Variants in CEMIP observed in about 807,000 individuals in gnomAD.
CEMIP encodes the protein cell migration-inducing and hyaluronan-binding protein.
In CEMIP, 105 loss-of-function variants were observed where a neutral mutation model predicts 156.9. The ratio of observed to expected loss-of-function variants is 0.67; its 90% CI spans 0.57 to 0.79. The LOEUF is 0.79. Ranked by LOEUF, CEMIP falls within the 30% of genes least tolerant of loss-of-function variation. The pLI is 0.00. For synonymous variants in CEMIP, 676 were observed against 668.4 expected (o/e 1.01, Z -0.17); for missense variants, 1,457 against 1,769.4 (o/e 0.82, Z 3.17).
chr15:80,830,001 T>TGC (rs199685035), intron 1 of CEMIP, among the ~76,000 whole-genome samples: 4,934 of 81,464 alleles, frequency 0.061, 124 homozygotes, highest in East Asian at 0.12. Context: ...TGTGTGTGTG[T>TGC]GCGCGCATGT....
intron 1 of CEMIP, among the ~76,000 whole-genome samples, chr15:80,848,504 TTTC>T (rs1417242405): frequency 3.3e-5 from 5 of 152,188 alleles, no homozygotes; most frequent in African/African-American, 1.2e-4. Flanking sequence ...TGTGGGGCCT[TTTC>T]TTCTTGAACT....
At chr15:80,900,252 A>G (rs980007806) in intron 12 of CEMIP, among the ~76,000 whole-genome samples, 1 of 152,064 alleles carries the variant, frequency 6.6e-6, no homozygotes. Context: ...CATGCAGGAG[A>G]GCTGCTCTTC....
Position 80,933,491 on chromosome 15 carries a change from CACTT to C in CEMIP, c.3009+33_3009+36del, listed in dbSNP as rs776017082. 82 of 1,545,472 alleles carry C rather than the reference CACTT, an allele frequency of 5.3e-5. No homozygotes were observed. The Admixed American group carries it at 1.4e-3, about 26-fold the overall frequency. Reference sequence around the variant, plus strand: ...GACACCATTCTGGGGGCCGGCCACTCACTTATTCACTCATGCAACAAGCATTCAG... The same window carrying C: ...GACACCATTCTGGGGGCCGGCCACTCATTCACTCATGCAACAAGCATTCAG... On this transcript the variant is annotated intron_variant, in intron 23 of 29. Coordinates refer to ENST00000394685, the MANE Select transcript of CEMIP (RefSeq NM_001293298.2).
intron 1 of CEMIP, among the ~76,000 whole-genome samples, chr15:80,869,764 A>T (rs28435335): frequency 0.024 from 3,640 of 152,218 alleles, 145 homozygotes; most frequent in African/African-American, 0.083. Flanking sequence ...GACATTTTTC[A>T]AGTTAGTATA....
intron 12 of CEMIP, among the ~76,000 whole-genome samples, chr15:80,905,944 G>T (rs904605311): frequency 6.6e-6 from 1 of 152,132 alleles, no homozygotes; most frequent in African/African-American, 2.4e-5. Flanking sequence ...TACCATGGAG[G>T]CATCCAGAGC....
chr15:80,782,664 T>C (rs1895828472), intron 1 of CEMIP, among the ~76,000 whole-genome samples: 1 of 152,256 alleles, frequency 6.6e-6, no homozygotes, highest in African/African-American at 2.4e-5. Context: ...TTTTACATTC[T>C]GGTGCTCTTA....
chr15:80,919,050 T>C (rs571627494), intron 14 of CEMIP, among the ~76,000 whole-genome samples: 38 of 152,270 alleles, frequency 2.5e-4, no homozygotes, highest in African/African-American at 9.1e-4. Context: ...CCCTGGTATC[T>C]CAATATCCAT....
chr15:80,925,658 C>T lies in CEMIP; in HGVS notation c.2323C>T (p.Pro775Ser). The T allele has an allele frequency of 1.9e-6, 3 of 1,613,554 alleles. No individual in the cohort carries two copies. The highest frequency in any genetic ancestry group is 2.5e-6 in the Non-Finnish European group (3 of 1,179,986). The change falls in exon 19 of 30, where the codon CCC (proline) becomes TCC (serine). Residue 775 changes from proline to serine, a missense_variant. By Grantham distance (74) the Pro-to-Ser change is moderately conservative. Around this residue, in one of 5 missense-constraint regions of CEMIP, gnomAD observed 798 missense variants for 980.1 expected, o/e 0.81. Coordinates refer to ENST00000394685, the MANE Select transcript of CEMIP (RefSeq NM_001293298.2). The stretch of plus-strand genomic sequence containing the variant: ...TCACCAGGACGCCGACCCGCTGAAG[C>T]CCCGGGAGCCGGCCATCATCAGACA... ...SPHQDADPLKPREPAIIRHFI... is the reference protein window; with the variant it reads ...SPHQDADPLKSREPAIIRHFI...
intron 14 of CEMIP, among the ~76,000 whole-genome samples, chr15:80,912,836 C>T (rs1378975829): frequency 4.6e-5 from 7 of 152,268 alleles, no homozygotes; most frequent in South Asian, 2.1e-4. Context: ...GATTTACTCA[C>T]GGCTGACTAT....
At chr15:80,862,084 G>A (rs550272581) in intron 1 of CEMIP, among the ~76,000 whole-genome samples, 302 of 152,358 alleles carry the variant, frequency 2.0e-3, no homozygotes, top group Admixed American at 7.2e-3. Context: ...CTGCCTGAAC[G>A]AGAGCCAGCT....
At chr15:80,942,621 G>A (rs1901386012) in intron 27 of CEMIP, among the ~76,000 whole-genome samples, 1 of 152,106 alleles carries the variant, frequency 6.6e-6, no homozygotes, top group Admixed American at 6.5e-5. Context: ...CCTTTCTTTT[G>A]CAAAGGCACC....
intron 1 of CEMIP, among the ~76,000 whole-genome samples, chr15:80,864,259 GT>G: frequency 6.6e-6 from 1 of 152,286 alleles, no homozygotes; most frequent in African/African-American, 2.4e-5. Context: ...TCATATTTGG[GT>G]TTTTTCCCCA....
chr15:80,852,954 A>AT (rs1408403879), intron 1 of CEMIP, among the ~76,000 whole-genome samples: 1 of 152,204 alleles, frequency 6.6e-6, no homozygotes, highest in Admixed American at 6.5e-5. Context: ...TACCATCATC[A>AT]TGAGTCCTTC....
intron 1 of CEMIP, among the ~76,000 whole-genome samples, chr15:80,825,211 C>T (rs1355187779): frequency 2.0e-5 from 3 of 152,042 alleles, no homozygotes; most frequent in Admixed American, 6.5e-5. Context: ...AACTGTGTAC[C>T]GGATGGGCAT....
intron 1 of CEMIP, among the ~76,000 whole-genome samples, chr15:80,794,649 T>C (rs1459476303): frequency 2.6e-5 from 4 of 152,248 alleles, no homozygotes; most frequent in Non-Finnish European, 5.9e-5. Flanking sequence ...CATTTTTTTA[T>C]ACTAAATCTT....
At chr15:80,900,993 A>G (rs1222630775) in intron 12 of CEMIP, 3 of 455,010 alleles carry the variant, frequency 6.6e-6, no homozygotes, top group Admixed American at 4.7e-5. Flanking sequence ...GGGGTAACAT[A>G]GTAATGAAAA....
chr15:80,841,535 T>C (rs2141708584), intron 1 of CEMIP, among the ~76,000 whole-genome samples: 1 of 152,340 alleles, frequency 6.6e-6, no homozygotes, highest in East Asian at 1.9e-4. Context: ...ACTTCTAGAA[T>C]TTGGACCTTG....
intron 1 of CEMIP, among the ~76,000 whole-genome samples, chr15:80,865,164 G>A (rs1898090160): frequency 6.6e-6 from 1 of 152,066 alleles, no homozygotes; most frequent in Non-Finnish European, 1.5e-5. Flanking sequence ...TGCAACTGAG[G>A]AACTAAATTT....
intron 19 of CEMIP, among the ~76,000 whole-genome samples, chr15:80,926,969 T>C: frequency 6.6e-6 from 1 of 152,182 alleles, no homozygotes; most frequent in Admixed American, 6.5e-5. Flanking sequence ...TAGCTGGGAT[T>C]ACAAGCGTGC....
Sources: gnomAD v4.1 joint callset for allele counts (sites outside exome capture counted in the v4.1 genomes callset) on GRCh38, gnomAD v4.1.1 for gene constraint, gnomAD v4.1.1 regional missense constraint, MANE v1.5 for transcripts, NCBI Gene and HGNC (gene_info 2026-07-23, HGNC 2026-07-21) for gene names.